PDE8A: variants seen among roughly 807,000 people sequenced by gnomAD.
PDE8A encodes the protein high affinity cAMP-specific and IBMX-insensitive 3',5'-cyclic phosphodiesterase 8A.
Under a neutral mutation model 105.0 loss-of-function variants are expected in PDE8A, and 59 were observed. The observed-to-expected ratio is 0.56, with a 90% CI of 0.46 to 0.70. The LOEUF is 0.70. Among genes scored for constraint, PDE8A ranks in the 30% least tolerant of loss-of-function variants. The probability of loss-of-function intolerance (pLI) is 0.00; values close to 1 mark genes in which losing one functional copy is unlikely to be tolerated. For synonymous variants in PDE8A, 355 were observed against 371.9 expected (o/e 0.95, Z 0.52); for missense variants, 1,014 against 1,045.9 (o/e 0.97, Z 0.42).
intron 1 of PDE8A, among the ~76,000 whole-genome samples, chr15:85,061,328 G>C (rs908187687): frequency 6.6e-6 from 1 of 152,054 alleles, no homozygotes; most frequent in Non-Finnish European, 1.5e-5. Flanking sequence ...CTGCCTCCCA[G>C]GTTCAAGCAA....
intron 14 of PDE8A, among the ~76,000 whole-genome samples, chr15:85,114,560 T>C (rs2082066586): frequency 6.6e-6 from 1 of 152,270 alleles, no homozygotes; most frequent in East Asian, 1.9e-4. Context: ...GATGCCTCCT[T>C]CAGCATGTCT....
chr15:85,025,022 T>G (rs191925255), intron 1 of PDE8A, among the ~76,000 whole-genome samples: 1 of 152,338 alleles, frequency 6.6e-6, no homozygotes, highest in East Asian at 1.9e-4. Flanking sequence ...GTTTTTCCAT[T>G]ATGGGTTGGA....
intron 1 of PDE8A, among the ~76,000 whole-genome samples, chr15:85,032,547 A>G (rs972569210): frequency 2.6e-5 from 4 of 152,206 alleles, no homozygotes; most frequent in Admixed American, 1.3e-4. Context: ...TTTACAAGGA[A>G]ACTAAAATGT....
chr15:85,084,079 A>T (rs1025161344), intron 6 of PDE8A, among the ~76,000 whole-genome samples: 1 of 151,244 alleles, frequency 6.6e-6, no homozygotes, highest in Non-Finnish European at 1.5e-5. Context: ...AAGTGACATG[A>T]GTAGAGGCCT....
chr15:85,134,562 G>A (rs568678123), intron 20 of PDE8A, among the ~76,000 whole-genome samples: 3 of 151,856 alleles, frequency 2.0e-5, no homozygotes, highest in East Asian at 3.9e-4. Context: ...ACCAAAGCAC[G>A]TGAATCCCAT....
intron 18 of PDE8A, 100 bp from the exon 19 acceptor site, chr15:85,122,961 C>A (rs939466247): frequency 1.7e-6 from 2 of 1,205,280 alleles, no homozygotes; most frequent in Middle Eastern, 2.0e-4. Context: ...AGATTTATAG[C>A]TGCAGAGGAC....
upstream of PDE8A, among the ~76,000 whole-genome samples, chr15:84,981,726 G>A (rs1275501927): frequency 6.6e-6 from 1 of 151,322 alleles, no homozygotes; most frequent in African/African-American, 2.4e-5. Context: ...GGGGCCGGGC[G>A]CGGCCGGGAG....
chr15:85,016,592 T>C lies in PDE8A; in HGVS notation c.186+34244T>C, dbSNP rs375386022. 9.8e-5 allele frequency among the ~76,000 whole-genome samples: 15 copies of C among 152,374 alleles called. No individual in the cohort carries two copies. In the South Asian group the frequency reaches 2.5e-3, roughly 25 times the overall value. On this transcript the variant is annotated intron_variant, in intron 1 of 21. Coordinates refer to ENST00000394553, the MANE Select transcript of PDE8A (RefSeq NM_002605.3). ...GAATTATCTTGCAAGGCTATTCCTC[T>C]CTCTTTTCTTTCCCTTTTCAGGGTC...
chr15:85,050,322 A>C (rs2080953230), intron 1 of PDE8A, among the ~76,000 whole-genome samples: 1 of 152,108 alleles, frequency 6.6e-6, no homozygotes, highest in Non-Finnish European at 1.5e-5. Flanking sequence ...ATTTTGATGA[A>C]GTTTAATTTG....
intron 12 of PDE8A, among the ~76,000 whole-genome samples, chr15:85,110,924 C>T (rs992022953): frequency 6.6e-6 from 1 of 152,196 alleles, no homozygotes; most frequent in African/African-American, 2.4e-5. Context: ...TTTTCCCACA[C>T]TTGGTAATAC....
Position 84,982,052 on chromosome 15 carries a change from C to T in PDE8A, c.-111C>T, listed in dbSNP as rs1300362808. On this transcript the variant is annotated 5_prime_UTR_variant, in exon 1 of 22. Coordinates refer to ENST00000394553, the MANE Select transcript of PDE8A (RefSeq NM_002605.3). ...ACGCGAGATCCGCGCTCGCCGCCGCCCGCCCAGGCGGCGATGACACGGCGC... is the reference window on the plus strand; with the variant it reads ...ACGCGAGATCCGCGCTCGCCGCCGCTCGCCCAGGCGGCGATGACACGGCGC... 3.6e-6 allele frequency: 2 copies of T among 549,478 alleles called. No homozygotes were observed. Among genetic ancestry groups the T allele is most frequent in the East Asian group, 8.9e-5 (2 of 22,530 alleles). 34.0% of individuals were successfully genotyped at this position (549,478 alleles called of 1,614,324 possible). A position where few individuals can be genotyped will look rare whatever the true frequency, so the allele number is the denominator to read the frequency against.
At chr15:85,137,451 A>G (rs1223103729) in intron 21 of PDE8A, among the ~76,000 whole-genome samples, 10 of 144,252 alleles carry the variant, frequency 6.9e-5, no homozygotes, top group Non-Finnish European at 1.4e-4. Flanking sequence ...GGGCCAGGCC[A>G]TCGGTTGGGG....
At chr15:85,045,604 A>G (rs553727932) in intron 1 of PDE8A, among the ~76,000 whole-genome samples, 19 of 152,196 alleles carry the variant, frequency 1.2e-4, no homozygotes, top group Non-Finnish European at 2.8e-4. Context: ...ACTTTTTTCT[A>G]TTAAAACTGA....
intron 1 of PDE8A, among the ~76,000 whole-genome samples, chr15:85,034,955 T>C (rs1338033099): frequency 2.6e-5 from 4 of 152,132 alleles, no homozygotes; most frequent in African/African-American, 9.7e-5. Context: ...AGACAAAATA[T>C]CAGTTATCTT....
chr15:84,996,858 C>G lies in PDE8A; in HGVS notation c.186+14510C>G, dbSNP rs1034091489. On this transcript the variant is annotated intron_variant, in intron 1 of 21. Coordinates refer to ENST00000394553, the MANE Select transcript of PDE8A (RefSeq NM_002605.3). ...AAAAAAAAAAAAAAAAAAGGTGGTA[C>G]ACTTATATAAGGCACTTAGCATGAA... 1.3e-4 allele frequency among the ~76,000 whole-genome samples: 16 copies of G among 120,282 alleles called. No homozygotes were observed. In the South Asian group the frequency reaches 2.7e-3, roughly 20 times the overall value. 78.9% of individuals were successfully genotyped at this position (120,282 alleles called of 152,430 possible).
At chr15:85,031,598 C>G (rs1013166991) in intron 1 of PDE8A, among the ~76,000 whole-genome samples, 12 of 152,240 alleles carry the variant, frequency 7.9e-5, no homozygotes, top group African/African-American at 2.9e-4. Flanking sequence ...GAGTACAGCC[C>G]TCAGTCCACA....
intron 6 of PDE8A, among the ~76,000 whole-genome samples, chr15:85,087,207 T>A (rs1183248440): frequency 2.0e-5 from 3 of 152,012 alleles, no homozygotes; most frequent in Non-Finnish European, 2.9e-5. Context: ...TTGTTTTTTT[T>A]ATTTACTTAT....
chr15:85,078,001 G>A (rs2081403875), intron 5 of PDE8A, among the ~76,000 whole-genome samples: 1 of 151,902 alleles, frequency 6.6e-6, no homozygotes. Flanking sequence ...CAGGAGAAGA[G>A]GAAGGATAGA....
chr15:85,070,809 A>T (rs1256375754), intron 3 of PDE8A, among the ~76,000 whole-genome samples: 1 of 152,190 alleles, frequency 6.6e-6, no homozygotes, highest in Non-Finnish European at 1.5e-5. Flanking sequence ...CTGCGCAGGA[A>T]AGTGTTGAGC....
Sources: allele counts gnomAD v4.1 joint callset (sites outside exome capture counted in the v4.1 genomes callset), GRCh38; gene constraint gnomAD v4.1.1; transcripts MANE v1.5; gene names NCBI Gene and HGNC (gene_info 2026-07-23, HGNC 2026-07-21).